Variants in ITFG1 observed in about 807,000 individuals in gnomAD.
ITFG1 encodes T-cell immunomodulatory protein.
ITFG1 carries 34 observed loss-of-function variants against 81.8 expected under a neutral mutation model. The observed-to-expected ratio is 0.42, with a 90% CI of 0.32 to 0.55. The LOEUF is 0.55. Among genes scored for constraint, ITFG1 ranks in the 20% least tolerant of loss-of-function variants. The pLI, the probability that ITFG1 is intolerant of heterozygous loss-of-function variation, is 0.17. For synonymous variants in ITFG1, 285 were observed against 270.6 expected (o/e 1.05, Z -0.52); for missense variants, 672 against 755.4 (o/e 0.89, Z 1.29).
intron 10 of ITFG1, among the ~76,000 whole-genome samples, chr16:47,289,194 A>G (rs1966882481): frequency 6.6e-6 from 1 of 152,172 alleles, no homozygotes; most frequent in East Asian, 1.9e-4. Flanking sequence ...TATTCCTGGG[A>G]TAAATTCACT....
At chr16:47,447,489 A>G (rs1373582221) in intron 5 of ITFG1, among the ~76,000 whole-genome samples, 1 of 152,298 alleles carries the variant, frequency 6.6e-6, no homozygotes, top group South Asian at 2.1e-4. Context: ...AAGCAGTATA[A>G]GTCACCAAGA....
Position 47,429,478 on chromosome 16 carries a change from G to A in ITFG1, c.561-580C>T, listed in dbSNP as rs1221127623. On this transcript the variant is annotated intron_variant, in intron 5 of 17. Transcript: ENST00000320640. The stretch of plus-strand genomic sequence containing the variant: ...AGGAGTGGAATTGTTGGGTCATAGA[G>A]GAATATATGTTTAACTTTTTGAGGA... Among the ~76,000 whole-genome samples, 5 of 152,158 alleles carry A rather than the reference G, an allele frequency of 3.3e-5. No homozygotes were observed. In the East Asian group the frequency reaches 9.6e-4, roughly 29 times the overall value.
At chr16:47,436,924 A>AT (rs1969174517) in intron 5 of ITFG1, among the ~76,000 whole-genome samples, 1 of 152,204 alleles carries the variant, frequency 6.6e-6, no homozygotes, top group African/African-American at 2.4e-5. Flanking sequence ...CACTAAAAAA[A>AT]TAACTATTAG....
intron 6 of ITFG1, among the ~76,000 whole-genome samples, chr16:47,402,998 T>C (rs1056484101): frequency 1.1e-4 from 16 of 152,170 alleles, no homozygotes; most frequent in African/African-American, 3.9e-4. Context: ...AATATAAATT[T>C]ACTGCTTTTT....
At chr16:47,242,401 A>G (rs2151535603) in intron 12 of ITFG1, among the ~76,000 whole-genome samples, 1 of 152,086 alleles carries the variant, frequency 6.6e-6, no homozygotes, top group South Asian at 2.1e-4. Flanking sequence ...TATTCCCAAG[A>G]GATAGGTGAA....
At chr16:47,207,574 G>A (rs913292911) in intron 14 of ITFG1, among the ~76,000 whole-genome samples, 11 of 152,180 alleles carry the variant, frequency 7.2e-5, no homozygotes, top group African/African-American at 2.7e-4. Flanking sequence ...AAGCCATGAG[G>A]ATATCCAAAG....
chr16:47,461,127 T>C (rs1969538094), upstream of ITFG1: 2 of 1,333,012 alleles, frequency 1.5e-6, no homozygotes, highest in Non-Finnish European at 1.0e-6. Flanking sequence ...GCCGAGAGAG[T>C]GGCGCGCAGC....
chr16:47,340,520 AC>A (rs1312202949), intron 8 of ITFG1, among the ~76,000 whole-genome samples: 5 of 152,220 alleles, frequency 3.3e-5, no homozygotes, highest in Non-Finnish European at 5.9e-5. Flanking sequence ...AACCACAAAC[AC>A]GAAAATATAG....
intron 6 of ITFG1, among the ~76,000 whole-genome samples, chr16:47,417,867 G>A (rs116445088): frequency 0.013 from 1,910 of 152,210 alleles, 35 homozygotes; most frequent in South Asian, 0.054. Context: ...TCAATATACT[G>A]ATTTCCTTTC....
At chr16:47,215,058 A>G (rs191461988) in intron 14 of ITFG1, among the ~76,000 whole-genome samples, 17 of 152,230 alleles carry the variant, frequency 1.1e-4, no homozygotes, top group African/African-American at 3.9e-4. Context: ...CTTTTATTCT[A>G]TTAAGTAAAA....
intron 2 of ITFG1, among the ~76,000 whole-genome samples, chr16:47,457,339 A>G (rs1280831234): frequency 6.6e-6 from 1 of 152,018 alleles, no homozygotes; most frequent in African/African-American, 2.4e-5. Flanking sequence ...AAAAGAAAAG[A>G]AATACTGTAC....
intron 10 of ITFG1, among the ~76,000 whole-genome samples, chr16:47,288,649 G>C (rs537594056): frequency 1.3e-5 from 2 of 151,696 alleles, no homozygotes; most frequent in South Asian, 4.2e-4. Flanking sequence ...TCGCTCTGTC[G>C]CTTAGACCAA....
chr16:47,441,367 A>G (rs1030413957), intron 5 of ITFG1, among the ~76,000 whole-genome samples: 2 of 152,204 alleles, frequency 1.3e-5, no homozygotes, highest in African/African-American at 4.8e-5. Context: ...CCTGGCAGAG[A>G]CACTACAAAA....
chr16:47,339,630 G>C (rs1006156472), intron 8 of ITFG1, among the ~76,000 whole-genome samples: 2 of 152,072 alleles, frequency 1.3e-5, no homozygotes, highest in African/African-American at 4.8e-5. Context: ...ACAGGCACAA[G>C]AAACAGTGAA....
chr16:47,343,228 C>A (rs751410975), intron 8 of ITFG1, among the ~76,000 whole-genome samples: 2 of 152,106 alleles, frequency 1.3e-5, no homozygotes, highest in Admixed American at 1.3e-4. Flanking sequence ...AGTCCACTTA[C>A]TGGAGAAAGA....
At chr16:47,172,225 C>T (rs534701236) in intron 14 of ITFG1, among the ~76,000 whole-genome samples, 1 of 152,294 alleles carries the variant, frequency 6.6e-6, no homozygotes, top group Admixed American at 6.5e-5. Flanking sequence ...TGGCTCACAC[C>T]TGTAATCCCA....
At position 47,190,830 on chromosome 16, in the gene ITFG1, G is replaced by A. The variant is rs181858607; in HGVS notation, c.1453+28038C>T. Among the ~76,000 whole-genome samples, 16 of 152,308 alleles carry A rather than the reference G, an allele frequency of 1.1e-4. No individual in the cohort carries two copies. The East Asian group carries it at 1.2e-3, about 11-fold the overall frequency. On this transcript the variant is annotated intron_variant, in intron 14 of 17. Coordinates refer to ENST00000320640, the MANE Select transcript of ITFG1 (RefSeq NM_030790.5). ...GTGGGTTGACTGGGCAGTTTCTGCT[G>A]GTTTTGACTAAGTTATTCATGCAGC...
chr16:47,254,850 C>T (rs889495261), intron 12 of ITFG1, among the ~76,000 whole-genome samples: 1 of 152,042 alleles, frequency 6.6e-6, no homozygotes, highest in Admixed American at 6.5e-5. Flanking sequence ...TTTTAAGCTT[C>T]AGACTTGAGA....
At position 47,265,610 on chromosome 16, in the gene ITFG1, G is replaced by A. The variant is rs185902132; in HGVS notation, c.1071-4915C>T. Reference sequence around the variant, plus strand: ...AGATAGACTAGGATAAGTTAAAGATGTATAAACACTACAGTATTCACTAAA... The same window carrying A: ...AGATAGACTAGGATAAGTTAAAGATATATAAACACTACAGTATTCACTAAA... On this transcript the variant is annotated intron_variant, in intron 10 of 17. Coordinates refer to ENST00000320640, the MANE Select transcript of ITFG1 (RefSeq NM_030790.5). Among the ~76,000 whole-genome samples the A allele has an allele frequency of 4.6e-5, 7 of 152,152 alleles. No homozygotes were observed. In the East Asian group the frequency reaches 1.2e-3, roughly 25 times the overall value.
Sources: gnomAD v4.1 joint callset for allele counts (sites outside exome capture counted in the v4.1 genomes callset) on GRCh38, gnomAD v4.1.1 for gene constraint, MANE v1.5 for transcripts, NCBI Gene and HGNC (gene_info 2026-07-23, HGNC 2026-07-21) for gene names.